The following UGCG variants were observed in gnomAD, a reference collection of about 807,000 sequenced individuals.
UGCG encodes ceramide glucosyltransferase.
In UGCG, 10 loss-of-function variants were observed where a neutral mutation model predicts 49.5. The observed-to-expected ratio is 0.20, with a 90% CI of 0.12 to 0.34. UGCG has a LOEUF of 0.34. Ranked by LOEUF, UGCG falls within the 10% of genes least tolerant of loss-of-function variation. UGCG has a pLI of 1.00. For synonymous variants in UGCG, 182 were observed against 158.2 expected (o/e 1.15, Z -1.13); for missense variants, 312 against 483.7 (o/e 0.65, Z 3.33).
intron 2 of UGCG, among the ~76,000 whole-genome samples, chr9:111,917,147 G>A (rs1838126964): frequency 6.6e-6 from 1 of 152,118 alleles, no homozygotes; most frequent in African/African-American, 2.4e-5. Flanking sequence ...ATTGTAAGAT[G>A]AAGAATAGCA....
At chr9:111,919,022 A>G (rs72757809) in intron 2 of UGCG, among the ~76,000 whole-genome samples, 19,559 of 151,744 alleles carry the variant, frequency 0.13, 1,740 homozygotes, top group East Asian at 0.33. Flanking sequence ...TAACCTCCCT[A>G]CTTAACACTA....
In UGCG at chr9:111,934,734, T is replaced by A. The variant is rs1838487349; in HGVS notation, c.*1737T>A. 1 of 151,668 alleles carries A rather than the reference T, an allele frequency of 6.6e-6. No homozygotes were observed. The highest frequency in any genetic ancestry group is 2.1e-4 in the South Asian group (1 of 4,828). The allele number at this position is 151,668 out of a possible 1,614,324, so 9.4% of individuals were successfully genotyped here. Reference sequence around the variant, plus strand: ...ATCCTTTTTTCTTTCTTTTTTTTTTTTTTTAGCCTTATGATGAATTTGTTT... The same window carrying A: ...ATCCTTTTTTCTTTCTTTTTTTTTTATTTTAGCCTTATGATGAATTTGTTT... On this transcript the variant is annotated 3_prime_UTR_variant, in exon 9 of 9. Coordinates refer to ENST00000374279, the MANE Select transcript of UGCG (RefSeq NM_003358.3).
Position 111,932,916 on chromosome 9 carries a change from A to G in UGCG, c.1104A>G (p.Leu368=), listed in dbSNP as rs1382843540. ...SMTIYIFLSA[L]WDPTISWRTG... The stretch of plus-strand genomic sequence containing the variant: ...CAATATACATTTTTTTGTCTGCATT[A>G]TGGGACCCAACTATAAGCTGGAGAA... The change falls in exon 9 of 9, where the codon TTA becomes TTG. Residue 368 remains leucine, a synonymous_variant. Transcript: ENST00000374279. 7 of 1,613,198 alleles carry G rather than the reference A, an allele frequency of 4.3e-6. No homozygotes were observed. Among genetic ancestry groups the G allele is most frequent in the East Asian group, 2.2e-5 (1 of 44,862 alleles).
intron 2 of UGCG, chr9:111,914,950 C>T: frequency 3.4e-6 from 2 of 585,600 alleles, no homozygotes; most frequent in South Asian, 3.6e-5. Flanking sequence ...TTCTAACCAC[C>T]TATATGTCCG....
intron 2 of UGCG, among the ~76,000 whole-genome samples, chr9:111,917,757 T>TA (rs1313740725): frequency 2.6e-5 from 4 of 152,242 alleles, no homozygotes; most frequent in Admixed American, 2.6e-4. Flanking sequence ...CTTACAAGTC[T>TA]ACTTTTATAC....
chr9:111,901,837 A>G (rs951779711), intron 1 of UGCG, among the ~76,000 whole-genome samples: 2 of 152,098 alleles, frequency 1.3e-5, no homozygotes, highest in East Asian at 1.9e-4. Flanking sequence ...AGCTATGTCT[A>G]CTCGCTGGTA....
Position 111,926,467 on chromosome 9 carries a change from A to C in UGCG, c.529A>C (p.Arg177=). The C allele has an allele frequency of 1.2e-6, 2 of 1,610,678 alleles. No individual in the cohort carries two copies. Among genetic ancestry groups the C allele is most frequent in the Non-Finnish European group, 1.7e-6 (2 of 1,177,670 alleles). Residue 177 remains arginine (R), a synonymous_variant, in exon 5 of 9, where the codon AGA becomes CGA. Transcript: ENST00000374279. Reference sequence around the variant, plus strand: ...TCACGGGCTGCCTTACGTAGCAGACAGACAGGGCTTTGCTGCCACCTTAGA... The same window carrying C: ...TCACGGGCTGCCTTACGTAGCAGACCGACAGGGCTTTGCTGCCACCTTAGA... ...LVHGLPYVAD[R]QGFAATLEQV...
At chr9:111,922,708 CA>C (rs1411428920) in intron 2 of UGCG, 140 bp from the exon 3 acceptor site, 1 of 476,488 alleles carries the variant, frequency 2.1e-6, no homozygotes, top group Non-Finnish European at 3.6e-6. Flanking sequence ...TAAGTGTTTG[CA>C]TCCATTGTGA....
Position 111,931,418 on chromosome 9 carries a change from T to G in UGCG, c.824+61T>G. The G allele has an allele frequency of 5.3e-6, 8 of 1,499,726 alleles. No individual in the cohort carries two copies. In the South Asian group the frequency reaches 9.2e-5, roughly 17 times the overall value. The allele number at this position is 1,499,726 out of a possible 1,614,324, so 92.9% of individuals were successfully genotyped here. On this transcript the variant is annotated intron_variant, in intron 7 of 8. Transcript: ENST00000374279. ...AGGAAAGTGGGGAGGGGGGTGGTAATTTTTACAGGTTTAATGTAGTTAAAT... is the reference window on the plus strand; with the variant it reads ...AGGAAAGTGGGGAGGGGGGTGGTAAGTTTTACAGGTTTAATGTAGTTAAAT...
In UGCG at chr9:111,921,802, A is replaced by ATTTTTTTT. The variant is rs71373800; in HGVS notation, c.241-1028_241-1021dup. 4.3e-3 allele frequency among the ~76,000 whole-genome samples: 240 copies of ATTTTTTTT among 55,534 alleles called. 60 individuals are homozygous for ATTTTTTTT. The highest frequency in any genetic ancestry group is 0.015 in the East Asian group (19 of 1,242). The allele number at this position is 55,534 out of a possible 152,430, so 36.4% of individuals were successfully genotyped here. ...TTTTTAAAATAAATGCCCCAGGGTG[A>ATTTTTTTT]TTTTTTTTTTTTTTTTTTTTTTTTT... On this transcript the variant is annotated intron_variant, in intron 2 of 8. Coordinates refer to ENST00000374279, the MANE Select transcript of UGCG (RefSeq NM_003358.3).
At position 111,911,741 on chromosome 9, in the gene UGCG, AT is replaced by A. The variant is rs1364571439; in HGVS notation, c.99-2863del. 1.5e-4 allele frequency among the ~76,000 whole-genome samples: 22 copies of A among 151,548 alleles called. No homozygotes were observed. In the East Asian group the frequency reaches 4.1e-3, roughly 28 times the overall value. On this transcript the variant is annotated intron_variant, in intron 1 of 8. Coordinates refer to ENST00000374279, the MANE Select transcript of UGCG (RefSeq NM_003358.3). ...AGTGAGACCCCATCTCCATAAAAAA[AT>A]AAAAAAATTAGCCTGGTGTGGTGGA...
chr9:111,904,870 A>G (rs986914567), intron 1 of UGCG, among the ~76,000 whole-genome samples: 1 of 152,132 alleles, frequency 6.6e-6, no homozygotes, highest in South Asian at 2.1e-4. Context: ...CTTGGAGGAA[A>G]AAAAATTCAA....
At position 111,924,763 on chromosome 9, in the gene UGCG, C is replaced by A; in HGVS notation, c.344-14C>A. ...TTGCATAAATCTTTTACTACTGTAC[C>A]TTTACATTTTTAGGTGGCAAAAAAG... is the stretch of plus-strand genomic sequence containing the variant. On this transcript the variant is annotated splice_polypyrimidine_tract_variant and intron_variant, in intron 3 of 8. Coordinates refer to ENST00000374279, the MANE Select transcript of UGCG (RefSeq NM_003358.3). The A allele has an allele frequency of 7.0e-7, 1 of 1,427,712 alleles. No individual in the cohort carries two copies. Among genetic ancestry groups the A allele is most frequent in the Admixed American group, 2.4e-5 (1 of 42,046 alleles). The allele number at this position is 1,427,712 out of a possible 1,614,324, so 88.4% of individuals were successfully genotyped here.
chr9:111,906,655 C>G (rs2131717642), intron 1 of UGCG, among the ~76,000 whole-genome samples: 1 of 152,062 alleles, frequency 6.6e-6, no homozygotes, highest in African/African-American at 2.4e-5. Flanking sequence ...GTCTTGAACT[C>G]CCAACCTCAG....
chr9:111,925,969 C>G (rs1710753304), intron 4 of UGCG, among the ~76,000 whole-genome samples: 2 of 152,158 alleles, frequency 1.3e-5, no homozygotes, highest in African/African-American at 4.8e-5. Context: ...ATCTGATACT[C>G]ACAGAGAAAA....
chr9:111,926,397 G>A lies in UGCG; in HGVS notation c.459G>A (p.Thr153=), dbSNP rs17853855. Residue 153 remains threonine, a synonymous_variant, in exon 5 of 9, where the codon ACG becomes ACA. Transcript: ENST00000374279. ...TTTAAATTGTAGTAATTCCAGATAC[G>A]CTTACTGACATGGTGAATCAAATGA... ...CDSGIRVIPD[T]LTDMVNQMTE... 0.026 allele frequency: 41,960 copies of A among 1,605,616 alleles called. 668 individuals carry two copies. The highest frequency in any genetic ancestry group is 0.03 in the Non-Finnish European group (35,643 of 1,175,244).
intron 5 of UGCG, among the ~76,000 whole-genome samples, 163 bp downstream of exon 5, chr9:111,926,659 A>T (rs1193501156): frequency 1.3e-5 from 2 of 152,008 alleles, no homozygotes; most frequent in Non-Finnish European, 2.9e-5. Flanking sequence ...AGCTGTTTTC[A>T]TTAGTGAGGA....
intron 2 of UGCG, among the ~76,000 whole-genome samples, chr9:111,919,627 T>C (rs1337108621): frequency 6.6e-6 from 1 of 151,158 alleles, no homozygotes; most frequent in Non-Finnish European, 1.5e-5. Flanking sequence ...CCGTCTCTAC[T>C]AAAGAAAAAT....
intron 6 of UGCG, 64 bp from the exon 7 acceptor site, chr9:111,931,207 A>G (rs896131826): frequency 1.2e-4 from 179 of 1,495,418 alleles, no homozygotes; most frequent in Non-Finnish European, 1.5e-4. Flanking sequence ...TACTGAATGC[A>G]TAACCAGTTA....
Sources: gnomAD v4.1 joint callset for allele counts (sites outside exome capture counted in the v4.1 genomes callset) on GRCh38, gnomAD v4.1.1 for gene constraint, MANE v1.5 for transcripts, NCBI Gene and HGNC (gene_info 2026-07-23, HGNC 2026-07-21) for gene names.